Variants in SIL1 observed in about 807,000 individuals in gnomAD.
SIL1 encodes nucleotide exchange factor SIL1.
In SIL1, 40 loss-of-function variants were observed where a neutral mutation model predicts 49.1. That is an observed-to-expected ratio of 0.81 (90% CI 0.63 to 1.06). The LOEUF (loss-of-function observed/expected upper bound fraction) is 1.06, where lower values mean the gene tolerates loss of function less well. Ranked by LOEUF, SIL1 falls within the 50% of genes least tolerant of loss-of-function variation. The probability of loss-of-function intolerance (pLI) is 0.00; values close to 1 mark genes in which losing one functional copy is unlikely to be tolerated. For missense variants in SIL1, 500 were observed against 572.6 expected (o/e 0.87, Z 1.29); for synonymous variants, 253 against 250.8 (o/e 1.01, Z -0.08).
chr5:139,175,986 G>T (rs186847751), intron 1 of SIL1, among the ~76,000 whole-genome samples: 2 of 152,068 alleles, frequency 1.3e-5, no homozygotes, highest in Admixed American at 1.3e-4. Context: ...GAAAACTACA[G>T]ACCTGTTTCT....
intron 6 of SIL1, chr5:139,022,358 T>C (rs1325732683): frequency 6.6e-6 from 1 of 152,172 alleles, no homozygotes; most frequent in East Asian, 1.9e-4. Flanking sequence ...AGTGTGAGGA[T>C]TGGTATTTGA....
rs560061604 is a variant in SIL1, at chr5:138,947,062, G to A, written c.*55C>T. On this transcript the variant is annotated 3_prime_UTR_variant, in exon 10 of 10. Transcript: ENST00000394817. The surrounding 1 kb of genome is among the most constrained non-coding windows in gnomAD (Gnocchi z 4.1). ...CCTCCTGCCTGAGAAGCCCACCCAC[G>A]CTGGCACCCCTCAGCCTCACTAGCG... The A allele has an allele frequency of 2.2e-5, 32 of 1,424,890 alleles. No individual in the cohort carries two copies. The highest frequency in any genetic ancestry group is 2.8e-5 in the Non-Finnish European group (29 of 1,021,290). The allele number at this position is 1,424,890 out of a possible 1,614,324, so 88.3% of individuals were successfully genotyped here. A position where few individuals can be genotyped will look rare whatever the true frequency, so the allele number is the denominator to read the frequency against.
chr5:139,181,893 G>T (rs1054323053), intron 1 of SIL1, among the ~76,000 whole-genome samples: 3 of 152,156 alleles, frequency 2.0e-5, no homozygotes, highest in African/African-American at 7.2e-5. Context: ...CCATAGCAAG[G>T]CTTCACTAAA....
intron 7 of SIL1, among the ~76,000 whole-genome samples, chr5:139,019,529 A>G (rs879319532): frequency 3.3e-5 from 5 of 152,138 alleles, no homozygotes; most frequent in Non-Finnish European, 7.4e-5. Context: ...ATTTATCTCT[A>G]TTTAAATTTT....
At chr5:139,044,308 C>T (rs1449303914) in intron 4 of SIL1, among the ~76,000 whole-genome samples, 1 of 152,132 alleles carries the variant, frequency 6.6e-6, no homozygotes, top group Non-Finnish European at 1.5e-5. Flanking sequence ...CAAGAGGGAG[C>T]TAAGTATTCA....
chr5:139,041,719 G>A (rs1040189669), intron 5 of SIL1, among the ~76,000 whole-genome samples: 16 of 151,436 alleles, frequency 1.1e-4, no homozygotes, highest in African/African-American at 3.2e-4. Context: ...CAGGAGAATC[G>A]CTTGAACCCA....
intron 3 of SIL1, among the ~76,000 whole-genome samples, chr5:139,112,027 G>T (rs1770858445): frequency 6.6e-6 from 1 of 152,168 alleles, no homozygotes; most frequent in South Asian, 2.1e-4. Flanking sequence ...GTATTTTTTT[G>T]CTGGAGACGG....
intron 1 of SIL1, among the ~76,000 whole-genome samples, chr5:139,160,824 C>A (rs1751497223): frequency 6.6e-6 from 1 of 151,684 alleles, no homozygotes; most frequent in Admixed American, 6.6e-5. Flanking sequence ...AGCAAGACTC[C>A]ATCACAAATA....
intron 4 of SIL1, among the ~76,000 whole-genome samples, chr5:139,045,990 C>G (rs909803636): frequency 6.6e-6 from 1 of 152,224 alleles, no homozygotes; most frequent in African/African-American, 2.4e-5. Context: ...CACCTTCAAT[C>G]TCATCTCCAG....
chr5:138,960,009 G>T (rs1766984289), intron 7 of SIL1, among the ~76,000 whole-genome samples: 1 of 152,110 alleles, frequency 6.6e-6, no homozygotes, highest in South Asian at 2.1e-4. Context: ...TTGTCAGGAG[G>T]CAAAAAGCAA....
intron 7 of SIL1, among the ~76,000 whole-genome samples, chr5:138,977,880 G>A (rs1767426652): frequency 6.6e-6 from 1 of 152,122 alleles, no homozygotes; most frequent in Admixed American, 6.5e-5. Context: ...CAGGACCCTT[G>A]CAACGGCTAT....
chr5:139,129,264 A>G (rs555738030), intron 1 of SIL1, among the ~76,000 whole-genome samples: 1 of 152,368 alleles, frequency 6.6e-6, no homozygotes, highest in Non-Finnish European at 1.5e-5. Context: ...CCAATGGAAT[A>G]AAATTGAGAG....
At chr5:138,996,513 ATTTTTTTTTTT>A (rs140943492) in intron 7 of SIL1, among the ~76,000 whole-genome samples, 1 of 89,890 alleles carries the variant, frequency 1.1e-5, no homozygotes, top group East Asian at 3.3e-4. Context: ...TGCTGTGCAG[ATTTTTTTTTTT>A]TTTTTTTTTT....
chr5:139,138,622 A>T (rs890673674), intron 1 of SIL1, among the ~76,000 whole-genome samples: 2 of 152,178 alleles, frequency 1.3e-5, no homozygotes. Context: ...AACCTCTACA[A>T]GTTTCAACCC....
chr5:139,086,916 C>T lies in SIL1; in HGVS notation c.244+34119G>A, dbSNP rs539600927. ...CGGAGGTTGCAGTGAGTTGGGATCG[C>T]GCCATTGAGCTCCAGCCTGGGCAAC... On this transcript the variant is annotated intron_variant, in intron 3 of 9. Coordinates refer to ENST00000394817, the MANE Select transcript of SIL1 (RefSeq NM_022464.5). 9.9e-5 allele frequency among the ~76,000 whole-genome samples: 15 copies of T among 151,808 alleles called. No individual in the cohort carries two copies. The South Asian group carries it at 1.9e-3, about 19-fold the overall frequency.
At chr5:139,153,107 C>T (rs1273062637) in intron 1 of SIL1, among the ~76,000 whole-genome samples, 1 of 152,166 alleles carries the variant, frequency 6.6e-6, no homozygotes, top group Non-Finnish European at 1.5e-5. Flanking sequence ...CGTGAGCCAC[C>T]GCACCTGGCC....
At chr5:138,952,870 G>T (rs1384659367) in intron 7 of SIL1, among the ~76,000 whole-genome samples, 1 of 152,256 alleles carries the variant, frequency 6.6e-6, no homozygotes, top group African/African-American at 2.4e-5. Flanking sequence ...CCTTTTGCAG[G>T]CTCCTTGCTT....
At chr5:139,066,136 C>G (rs909530737) in intron 3 of SIL1, among the ~76,000 whole-genome samples, 1 of 152,164 alleles carries the variant, frequency 6.6e-6, no homozygotes, top group African/African-American at 2.4e-5. Context: ...CTTGTTGGCA[C>G]TCTCCTTCTT....
chr5:138,955,426 G>A (rs909323400), intron 7 of SIL1, among the ~76,000 whole-genome samples: 7 of 152,148 alleles, frequency 4.6e-5, no homozygotes, highest in African/African-American at 1.7e-4. Context: ...GCTGGGGGTG[G>A]GGCAGGCTGC....
Sources: gnomAD v4.1 joint callset for allele counts (sites outside exome capture counted in the v4.1 genomes callset) on GRCh38, gnomAD v4.1.1 for gene constraint, Gnocchi (gnomAD v3.1) non-coding constraint, MANE v1.5 for transcripts, NCBI Gene and HGNC (gene_info 2026-07-23, HGNC 2026-07-21) for gene names.